MACC1: variants seen among roughly 807,000 people sequenced by gnomAD.
The protein encoded by MACC1 is MET transcriptional regulator MACC1.
In MACC1, 79 loss-of-function variants were observed where a neutral mutation model predicts 70.7. That is an observed-to-expected ratio of 1.12 (90% confidence interval 0.93 to 1.35). The LOEUF is 1.35. Ranked by LOEUF, MACC1 falls within the 40% of genes most tolerant of loss-of-function variation. MACC1 has a pLI of 0.00. For synonymous variants in MACC1, 361 were observed against 347.2 expected (o/e 1.04, Z -0.44); for missense variants, 1,106 against 978.1 (o/e 1.13, Z -1.74).
chr7:20,188,584 C>T (rs1046851483), intron 1 of MACC1, among the ~76,000 whole-genome samples: 6 of 152,132 alleles, frequency 3.9e-5, no homozygotes, highest in African/African-American at 1.4e-4. Flanking sequence ...CCACCCCTTC[C>T]CTTTACAGCA....
intron 1 of MACC1, among the ~76,000 whole-genome samples, chr7:20,189,021 T>G: frequency 6.6e-6 from 1 of 152,208 alleles, no homozygotes; most frequent in East Asian, 1.9e-4. Flanking sequence ...TTTCATTTCT[T>G]GAACACAGCA....
intron 1 of MACC1, among the ~76,000 whole-genome samples, chr7:20,207,029 T>A (rs1782922965): frequency 6.6e-6 from 1 of 152,256 alleles, no homozygotes; most frequent in South Asian, 2.1e-4. Flanking sequence ...ATTTTTGTGA[T>A]AAATCTGACC....
At position 20,188,398 on chromosome 7, in the gene MACC1, G is replaced by A. The variant is rs531275616; in HGVS notation, c.-217-17620C>T. Among the ~76,000 whole-genome samples, 4 of 152,218 alleles carry A rather than the reference G, an allele frequency of 2.6e-5. No individual in the cohort carries two copies. The South Asian group carries it at 8.3e-4, about 32-fold the overall frequency. ...CAACAGGACTAGCATGTCCATTCCT[G>A]CTCATCGACTCAAAGAAGTTGTAAA... On this transcript the variant is annotated intron_variant, in intron 1 of 6. Transcript: ENST00000400331.
intron 6 of MACC1, among the ~76,000 whole-genome samples, chr7:20,150,178 C>T (rs1781954433): frequency 6.6e-6 from 1 of 152,128 alleles, no homozygotes; most frequent in African/African-American, 2.4e-5. Flanking sequence ...CAGTTTATCC[C>T]AATTCCCAGG....
At chr7:20,170,099 C>G (rs1390782629) in intron 2 of MACC1, 1 of 152,192 alleles carries the variant, frequency 6.6e-6, no homozygotes, top group Non-Finnish European at 1.5e-5. Context: ...CTGGACTCAT[C>G]ACAGCAGAGG....
intron 1 of MACC1, among the ~76,000 whole-genome samples, chr7:20,207,296 C>G (rs928896438): frequency 6.6e-6 from 1 of 151,492 alleles, no homozygotes; most frequent in African/African-American, 2.4e-5. Flanking sequence ...ATGTGCCACC[C>G]CATGTCTGGT....
At chr7:20,163,738 C>T (rs1782170945) in intron 3 of MACC1, among the ~76,000 whole-genome samples, 1 of 152,074 alleles carries the variant, frequency 6.6e-6, no homozygotes, top group Non-Finnish European at 1.5e-5. Context: ...AGAGTCTCAG[C>T]AATAGAACGT....
chr7:20,143,329 C>T (rs889535937), intron 6 of MACC1, among the ~76,000 whole-genome samples: 11 of 152,348 alleles, frequency 7.2e-5, no homozygotes, highest in Admixed American at 1.3e-4. Flanking sequence ...TACTCATGCA[C>T]TTACGCAGAG....
intron 5 of MACC1, among the ~76,000 whole-genome samples, chr7:20,155,328 G>A (rs1384105455): frequency 6.6e-6 from 1 of 152,140 alleles, no homozygotes; most frequent in Non-Finnish European, 1.5e-5. Flanking sequence ...TACACACTGT[G>A]TTTTTTCCTA....
At position 20,147,986 on chromosome 7, in the gene MACC1, T is replaced by C. The variant is rs188226492; in HGVS notation, c.2346+6207A>G. ...CAACTGACACCAATGTTTAAAGAAA[T>C]TGGGCTCCTTCAATTTAATTTTTCA... On this transcript the variant is annotated intron_variant, in intron 6 of 6. Transcript: ENST00000400331. Among the ~76,000 whole-genome samples, 9 of 152,240 alleles carry C rather than the reference T, an allele frequency of 5.9e-5. No individual in the cohort carries two copies. In the East Asian group the frequency reaches 1.5e-3, roughly 26 times the overall value.
At chr7:20,166,418 A>C (rs1430595036) in intron 2 of MACC1, among the ~76,000 whole-genome samples, 2 of 152,190 alleles carry the variant, frequency 1.3e-5, no homozygotes, top group African/African-American at 4.8e-5. Flanking sequence ...ATTTTACTGG[A>C]CATTACCATG....
chr7:20,182,469 T>A (rs1378139527), intron 1 of MACC1, among the ~76,000 whole-genome samples: 2 of 152,188 alleles, frequency 1.3e-5, no homozygotes, highest in African/African-American at 4.8e-5. Context: ...TGATTCCTAT[T>A]TGCTGTTCTT....
intron 1 of MACC1, among the ~76,000 whole-genome samples, chr7:20,185,622 T>C (rs541951700): frequency 6.6e-6 from 1 of 152,280 alleles, no homozygotes; most frequent in South Asian, 2.1e-4. Context: ...TTTAAAATCA[T>C]TACCTATAAG....
chr7:20,200,134 T>C (rs1782811766), intron 1 of MACC1, among the ~76,000 whole-genome samples: 1 of 151,900 alleles, frequency 6.6e-6, no homozygotes, highest in African/African-American at 2.4e-5. Context: ...TTATTCACAA[T>C]AAACACCTAG....
chr7:20,135,730 T>A lies in MACC1; in HGVS notation c.*5216A>T, dbSNP rs908671200. 5 of 152,260 alleles carry A rather than the reference T, an allele frequency of 3.3e-5. No homozygotes were observed. The highest frequency in any genetic ancestry group is 1.9e-4 in the East Asian group (1 of 5,200). 9.4% of individuals were successfully genotyped at this position (152,260 alleles called of 1,614,324 possible). A position where few individuals can be genotyped will look rare whatever the true frequency, so the allele number is the denominator to read the frequency against. ...AGGCCTTGACAATGAGACTGGAGCA[T>A]GTTTGGCAGCGTGCTTTGAGAAGCT... On this transcript the variant is annotated 3_prime_UTR_variant, in exon 7 of 7. Transcript: ENST00000400331.
intron 1 of MACC1, among the ~76,000 whole-genome samples, chr7:20,195,048 T>A (rs193234968): frequency 4.6e-5 from 7 of 152,286 alleles, no homozygotes; most frequent in Admixed American, 4.6e-4. Flanking sequence ...ATTCTCAAAG[T>A]CTGGGGATAG....
At chr7:20,216,895 A>G (rs1783078586) in intron 1 of MACC1, among the ~76,000 whole-genome samples, 1 of 152,178 alleles carries the variant, frequency 6.6e-6, no homozygotes, top group South Asian at 2.1e-4. Flanking sequence ...GCTGATTGCA[A>G]CTTTATCTAT....
In MACC1 at chr7:20,141,016, C is replaced by G; in HGVS notation, c.2489G>C (p.Gly830Ala). 1.2e-6 allele frequency: 2 copies of G among 1,614,042 alleles called. No homozygotes were observed. The highest frequency in any genetic ancestry group is 1.7e-6 in the Non-Finnish European group (2 of 1,179,976). Reference sequence around the variant, plus strand: ...CAAAGAATTTACTAGTATTAAAACTCCAGTTAATTCTCTCCAGTGTTTAGT... The same window carrying G: ...CAAAGAATTTACTAGTATTAAAACTGCAGTTAATTCTCTCCAGTGTTTAGT... ...PVTKHWRELT[G>A]VLILVNSLEV... is the part of the protein sequence containing the mutation. Residue 830 changes from glycine (G) to alanine (A), a missense_variant, in exon 7 of 7, where the codon GGA becomes GCA. Coordinates refer to ENST00000400331, the MANE Select transcript of MACC1 (RefSeq NM_182762.4).
chr7:20,207,587 G>T (rs78227227), intron 1 of MACC1, among the ~76,000 whole-genome samples: 3 of 151,980 alleles, frequency 2.0e-5, no homozygotes, highest in African/African-American at 7.3e-5. Context: ...ATTTTTGAAC[G>T]ATGTGCAACA....
Sources: allele counts gnomAD v4.1 joint callset (sites outside exome capture counted in the v4.1 genomes callset), GRCh38; gene constraint gnomAD v4.1.1; transcripts MANE v1.5; gene names NCBI Gene and HGNC (gene_info 2026-07-23, HGNC 2026-07-21).